ABCA12: variants seen among roughly 807,000 people sequenced by gnomAD.
ABCA12 encodes ATP binding cassette subfamily A member 12.
A neutral mutation model predicts 293.5 loss-of-function variants in ABCA12; 156 were observed. The ratio of observed to expected loss-of-function variants is 0.53; its 90% CI spans 0.47 to 0.61. The LOEUF (loss-of-function observed/expected upper bound fraction) is 0.61, where lower values mean the gene tolerates loss of function less well. Among genes scored for constraint, ABCA12 ranks in the 20% least tolerant of loss-of-function variants. ABCA12 has a pLI of 0.00. For synonymous variants in ABCA12, 1,063 were observed against 1,108.0 expected (o/e 0.96, Z 0.81); for missense variants, 2,797 against 3,090.2 (o/e 0.91, Z 2.25).
intron 1 of ABCA12, among the ~76,000 whole-genome samples, chr2:215,129,948 C>T (rs1420455344): frequency 1.4e-5 from 2 of 144,528 alleles, no homozygotes; most frequent in Non-Finnish European, 2.9e-5. Context: ...CTGCATATGG[C>T]TAGCTAGTTA....
chr2:215,000,415 C>T (rs1226824282), intron 22 of ABCA12, among the ~76,000 whole-genome samples: 1 of 152,102 alleles, frequency 6.6e-6, no homozygotes, highest in Non-Finnish European at 1.5e-5. Context: ...CAAAATCATG[C>T]AGCAATGTAC....
At chr2:215,029,527 G>C (rs1479239743) in intron 9 of ABCA12, 2 of 151,926 alleles carry the variant, frequency 1.3e-5, no homozygotes, top group Non-Finnish European at 2.9e-5. Flanking sequence ...CAAAATACTG[G>C]CCTTATCTAC....
chr2:214,988,274 T>G (rs1341212920), intron 26 of ABCA12, among the ~76,000 whole-genome samples: 3 of 152,220 alleles, frequency 2.0e-5, no homozygotes, highest in African/African-American at 7.2e-5. Context: ...ATTTCTCTCA[T>G]AACAATGCAT....
chr2:215,007,922 T>C (rs1700290020), intron 18 of ABCA12, 76 bp from the exon 19 acceptor site: 1 of 1,575,640 alleles, frequency 6.3e-7, no homozygotes, highest in African/African-American at 1.4e-5. Flanking sequence ...CTTAAGATTG[T>C]TTTGTTACGT....
intron 17 of ABCA12, among the ~76,000 whole-genome samples, chr2:215,010,728 A>T (rs1700353795): frequency 6.6e-6 from 1 of 152,162 alleles, no homozygotes; most frequent in African/African-American, 2.4e-5. Flanking sequence ...AGAAAACGTG[A>T]AAGCCACATT....
At chr2:214,981,414 C>T (rs2105965118) in intron 30 of ABCA12, among the ~76,000 whole-genome samples, 1 of 152,302 alleles carries the variant, frequency 6.6e-6, no homozygotes, top group South Asian at 2.1e-4. Flanking sequence ...ATCCTGTCAG[C>T]ACTTACTTAG....
chr2:214,985,435 G>A (rs1395495537), intron 28 of ABCA12, among the ~76,000 whole-genome samples: 2 of 152,102 alleles, frequency 1.3e-5, no homozygotes, highest in African/African-American at 4.8e-5. Context: ...GAGAGGATCA[G>A]GAAAAATAAG....
intron 2 of ABCA12, among the ~76,000 whole-genome samples, chr2:215,089,192 G>A (rs1265315253): frequency 6.7e-6 from 1 of 149,964 alleles, no homozygotes; most frequent in Non-Finnish European, 1.5e-5. Context: ...CTCAAGTTTT[G>A]CTTTATTTTT....
chr2:215,058,668 T>A (rs2106066678), intron 3 of ABCA12, among the ~76,000 whole-genome samples: 1 of 152,136 alleles, frequency 6.6e-6, no homozygotes, highest in African/African-American at 2.4e-5. Flanking sequence ...GGCATCAGCT[T>A]ACTAACTTCT....
chr2:214,944,355 T>A (rs1425742818), intron 49 of ABCA12, among the ~76,000 whole-genome samples: 1 of 151,794 alleles, frequency 6.6e-6, no homozygotes, highest in African/African-American at 2.4e-5. Context: ...GAGGTTGCAG[T>A]GAGCAGATGT....
In ABCA12 at chr2:214,986,714, A is replaced by G; in HGVS notation, c.3991T>C (p.Phe1331Leu). The change falls in exon 28 of 53, where the codon TTT becomes CTT. Residue 1331 changes from phenylalanine (F) to leucine (L), a missense_variant. By Grantham distance (22) the Phe-to-Leu change is conservative (BLOSUM62 0). Coordinates refer to ENST00000272895, the MANE Select transcript of ABCA12 (RefSeq NM_173076.3). ...GGTTCAGGCTCGATGTTAGAGGAAA[A>G]CATGTATTCAGGACCTGGAGAGAAA... ...TNPSASPEYM[F>L]SSNIEPEPKD... is the part of the protein sequence containing the mutation. The G allele has an allele frequency of 6.2e-7, 1 of 1,614,106 alleles. No individual in the cohort carries two copies. The highest frequency in any genetic ancestry group is 8.5e-7 in the Non-Finnish European group (1 of 1,179,952).
At chr2:214,934,270 G>A (rs940185446) in intron 51 of ABCA12, 55 bp from the exon 52 acceptor site, 223 of 1,589,886 alleles carry the variant, frequency 1.4e-4, no homozygotes, top group Non-Finnish European at 1.8e-4. Context: ...ATGTTGACAT[G>A]ACTAGACATA....
chr2:214,965,293 A>G lies in ABCA12; in HGVS notation c.5884+1555T>C, dbSNP rs185495021. On this transcript the variant is annotated intron_variant, in intron 39 of 52. Transcript: ENST00000272895. ...AAAAACCCTAGAAGAAAATCTAGGCAATACCATTCGGGACATAGGCACGGG... is the reference window on the plus strand; with the variant it reads ...AAAAACCCTAGAAGAAAATCTAGGCGATACCATTCGGGACATAGGCACGGG... Among the ~76,000 whole-genome samples, 138 of 152,346 alleles carry G rather than the reference A, an allele frequency of 9.1e-4. 1 individual carries two copies. The highest frequency in any genetic ancestry group is 3.2e-3 in the African/African-American group (133 of 41,594).
chr2:215,133,612 T>C (rs1326117085), intron 1 of ABCA12, among the ~76,000 whole-genome samples: 1 of 152,136 alleles, frequency 6.6e-6, no homozygotes, highest in African/African-American at 2.4e-5. Context: ...TTTCATTATT[T>C]TTAAAGTTAA....
At chr2:215,001,469 T>C in intron 21 of ABCA12, 89 bp downstream of exon 21, 1 of 1,559,530 alleles carries the variant, frequency 6.4e-7, no homozygotes, top group Admixed American at 1.7e-5. Flanking sequence ...CCACACTAGT[T>C]TTCTGAGTTC....
intron 49 of ABCA12, among the ~76,000 whole-genome samples, chr2:214,943,448 A>G (rs1043821484): frequency 2.6e-5 from 4 of 151,986 alleles, no homozygotes; most frequent in Non-Finnish European, 5.9e-5. Context: ...TGCCTGGCCT[A>G]GTTTCTTGAT....
intron 50 of ABCA12, among the ~76,000 whole-genome samples, chr2:214,941,931 T>C (rs539232218): frequency 6.6e-6 from 1 of 152,342 alleles, no homozygotes; most frequent in East Asian, 1.9e-4. Flanking sequence ...CTGTGTCTTT[T>C]AACTGGGGCA....
intron 28 of ABCA12, among the ~76,000 whole-genome samples, chr2:214,985,216 C>T (rs967527134): frequency 4.6e-5 from 7 of 152,240 alleles, no homozygotes; most frequent in Non-Finnish European, 1.0e-4. Flanking sequence ...AGAGCCTTCT[C>T]TGTTCCTTTT....
At chr2:215,023,956 C>T (rs1448180905) in intron 11 of ABCA12, among the ~76,000 whole-genome samples, 2 of 152,186 alleles carry the variant, frequency 1.3e-5, no homozygotes, top group Admixed American at 1.3e-4. Context: ...GATCTAGGCT[C>T]AGCCTCACCC....
Sources: gnomAD v4.1 joint callset for allele counts (sites outside exome capture counted in the v4.1 genomes callset) on GRCh38, gnomAD v4.1.1 for gene constraint, MANE v1.5 for transcripts, NCBI Gene and HGNC (gene_info 2026-07-23, HGNC 2026-07-21) for gene names.